Variants in CEP85L observed in about 807,000 individuals in gnomAD.
CEP85L encodes centrosomal protein of 85 kDa-like.
A neutral mutation model predicts 100.3 loss-of-function variants in CEP85L; 60 were observed. That is an observed-to-expected ratio of 0.60 (90% confidence interval 0.49 to 0.74). The LOEUF is 0.74. Ranked by LOEUF, CEP85L falls within the 30% of genes least tolerant of loss-of-function variation. CEP85L has a pLI of 0.00. For synonymous variants in CEP85L, 319 were observed against 322.7 expected (o/e 0.99, Z 0.12); for missense variants, 973 against 936.2 (o/e 1.04, Z -0.51).
chr6:118,651,298 G>A lies in CEP85L; in HGVS notation c.-29C>T. ...GGGCGAGAGGGCCGGGTGGGCCAGG[G>A]ACGCCCGACTCCTCACGTCCGTCCT... On this transcript the variant is annotated 5_prime_UTR_variant, in exon 1 of 13. Transcript: ENST00000368491. 2 of 1,464,650 alleles carry A rather than the reference G, an allele frequency of 1.4e-6. No homozygotes were observed. Among genetic ancestry groups the A allele is most frequent in the Non-Finnish European group, 1.8e-6 (2 of 1,111,180 alleles). 90.7% of individuals were successfully genotyped at this position (1,464,650 alleles called of 1,614,324 possible).
At chr6:118,706,063 G>A (rs1485812931) in intron 1 of CEP85L, among the ~76,000 whole-genome samples, 2 of 152,178 alleles carry the variant, frequency 1.3e-5, no homozygotes, top group Non-Finnish European at 2.9e-5. Context: ...GTCTATGTAG[G>A]TGTGTGTCCC....
intron 1 of CEP85L, among the ~76,000 whole-genome samples, chr6:118,675,697 T>C (rs889276390): frequency 6.6e-5 from 10 of 151,538 alleles, no homozygotes; most frequent in African/African-American, 2.4e-4. Context: ...GAGACCAGAA[T>C]TCAAAATCGG....
intron 2 of CEP85L, among the ~76,000 whole-genome samples, chr6:118,570,804 A>T (rs1354658126): frequency 6.6e-6 from 1 of 152,148 alleles, no homozygotes; most frequent in Admixed American, 6.5e-5. Context: ...TCCCAAGTTC[A>T]ACCATAACCA....
intron 2 of CEP85L, 50 bp from the exon 3 acceptor site, chr6:118,566,366 G>C: frequency 6.9e-7 from 1 of 1,447,116 alleles, no homozygotes; most frequent in Non-Finnish European, 9.4e-7. Flanking sequence ...AGACAAAAGA[G>C]AATGAGGTAA....
intron 2 of CEP85L, among the ~76,000 whole-genome samples, chr6:118,618,914 G>A (rs1038203297): frequency 1.3e-5 from 2 of 152,290 alleles, no homozygotes; most frequent in African/African-American, 4.8e-5. Context: ...GATAGGACGC[G>A]TTGGCAAAGG....
chr6:118,669,260 C>A (rs549247826), intron 1 of CEP85L, among the ~76,000 whole-genome samples: 17 of 152,178 alleles, frequency 1.1e-4, no homozygotes, highest in African/African-American at 3.9e-4. Context: ...TCCTCTGATG[C>A]GTTTCAGTTG....
rs1026909886 is a variant in CEP85L, at chr6:118,461,587, T to G, written c.*3818A>C. Reference sequence around the variant, plus strand: ...TTAGACTTGCTGATTTAAAACTATATTCTTATATTTAGCACTTTTTTAAAT... The same window carrying G: ...TTAGACTTGCTGATTTAAAACTATAGTCTTATATTTAGCACTTTTTTAAAT... On this transcript the variant is annotated 3_prime_UTR_variant, in exon 13 of 13. Coordinates refer to ENST00000368491, the MANE Select transcript of CEP85L (RefSeq NM_001042475.3). The G allele has an allele frequency of 6.6e-6, 1 of 152,050 alleles. No homozygotes were observed. Among genetic ancestry groups the G allele is most frequent in the Non-Finnish European group, 1.5e-5 (1 of 67,954 alleles). 9.4% of individuals were successfully genotyped at this position (152,050 alleles called of 1,614,324 possible). A position where few individuals can be genotyped will look rare whatever the true frequency, so the allele number is the denominator to read the frequency against.
chr6:118,634,759 G>A (rs763173293), intron 1 of CEP85L, among the ~76,000 whole-genome samples: 1 of 152,018 alleles, frequency 6.6e-6, no homozygotes, highest in East Asian at 1.9e-4. Flanking sequence ...CCATCTAAAT[G>A]AGCTCAAAGT....
At chr6:118,679,568 C>T (rs1776587117) in intron 1 of CEP85L, among the ~76,000 whole-genome samples, 1 of 152,168 alleles carries the variant, frequency 6.6e-6, no homozygotes, top group Non-Finnish European at 1.5e-5. Flanking sequence ...ATGTCTTAGT[C>T]ATGTAGTGTC....
intron 3 of CEP85L, among the ~76,000 whole-genome samples, chr6:118,525,259 C>T (rs908560759): frequency 4.6e-5 from 7 of 152,072 alleles, no homozygotes; most frequent in East Asian, 1.9e-4. Context: ...AATAAACCAA[C>T]GGTAGAAACT....
chr6:118,475,153 A>G (rs1773257601), intron 10 of CEP85L, among the ~76,000 whole-genome samples: 1 of 152,142 alleles, frequency 6.6e-6, no homozygotes, highest in African/African-American at 2.4e-5. Flanking sequence ...ATTTATAGAG[A>G]TAGCAGGTAG....
chr6:118,545,707 T>C (rs1290455896), intron 3 of CEP85L, among the ~76,000 whole-genome samples: 1 of 152,202 alleles, frequency 6.6e-6, no homozygotes, highest in African/African-American at 2.4e-5. Flanking sequence ...CTAAATTTCA[T>C]TTAGAGCTTA....
At chr6:118,679,326 A>G (rs147010961) in intron 1 of CEP85L, among the ~76,000 whole-genome samples, 154 of 152,334 alleles carry the variant, frequency 1.0e-3, no homozygotes, top group Non-Finnish European at 2.0e-3. Context: ...AAAAAGAATG[A>G]ACAATAAATA....
At chr6:118,612,684 G>C (rs180947491) in intron 2 of CEP85L, among the ~76,000 whole-genome samples, 3 of 4,192 alleles carry the variant, frequency 7.2e-4, no homozygotes, top group East Asian at 3.6e-3. Context: ...AGCGGGGGGG[G>C]GGGGGGGGGA....
intron 1 of CEP85L, among the ~76,000 whole-genome samples, chr6:118,705,730 C>T (rs1005513455): frequency 6.6e-6 from 1 of 152,346 alleles, no homozygotes; most frequent in African/African-American, 2.4e-5. Flanking sequence ...GAGCCCTTCT[C>T]ACAATATGCT....
chr6:118,629,489 A>G (rs1249467768), intron 2 of CEP85L, among the ~76,000 whole-genome samples: 1 of 152,188 alleles, frequency 6.6e-6, no homozygotes, highest in East Asian at 1.9e-4. Context: ...AATACTACAC[A>G]TTTATTAGAA....
chr6:118,690,643 A>G (rs762507875), intron 1 of CEP85L, among the ~76,000 whole-genome samples: 2 of 152,256 alleles, frequency 1.3e-5, no homozygotes, highest in Non-Finnish European at 2.9e-5. Context: ...ATAAATCCAA[A>G]GCTGCTGGTG....
chr6:118,546,402 CTAAG>C (rs1778206065), intron 3 of CEP85L, among the ~76,000 whole-genome samples: 1 of 152,124 alleles, frequency 6.6e-6, no homozygotes, highest in Admixed American at 6.5e-5. Flanking sequence ...GTTTATCCAA[CTAAG>C]TATTACTAAT....
At chr6:118,626,850 A>C (rs897467827) in intron 2 of CEP85L, among the ~76,000 whole-genome samples, 1 of 152,216 alleles carries the variant, frequency 6.6e-6, no homozygotes, top group Admixed American at 6.5e-5. Context: ...ATTTGCAAAC[A>C]ATGTATCAAA....
Sources: allele counts gnomAD v4.1 joint callset (sites outside exome capture counted in the v4.1 genomes callset), GRCh38; gene constraint gnomAD v4.1.1; transcripts MANE v1.5; gene names NCBI Gene and HGNC (gene_info 2026-07-23, HGNC 2026-07-21).